CEP85L: variants seen among roughly 807,000 people sequenced by gnomAD.
CEP85L encodes the protein centrosomal protein of 85 kDa-like.
CEP85L carries 60 observed loss-of-function variants against 100.3 expected under a neutral mutation model. The ratio of observed to expected loss-of-function variants is 0.60; its 90% CI spans 0.49 to 0.74. CEP85L has a LOEUF of 0.74. CEP85L is among the 30% of genes least tolerant of loss of function. The pLI is 0.00. For missense variants in CEP85L, 973 were observed against 936.2 expected (o/e 1.04, Z -0.51); for synonymous variants, 319 against 322.7 (o/e 0.99, Z 0.12).
intron 3 of CEP85L, among the ~76,000 whole-genome samples, chr6:118,536,685 A>G (rs1777614410): frequency 6.6e-6 from 1 of 152,128 alleles, no homozygotes; most frequent in Non-Finnish European, 1.5e-5. Flanking sequence ...GAGATAAGAG[A>G]AAAGGCCAGA....
At chr6:118,599,282 C>G (rs1043738334) in intron 2 of CEP85L, among the ~76,000 whole-genome samples, 26 of 151,974 alleles carry the variant, frequency 1.7e-4, no homozygotes, top group Admixed American at 1.5e-3. Flanking sequence ...AGGAAGTGCT[C>G]AAAAAACAAA....
chr6:118,660,498 A>C, intron 1 of CEP85L, among the ~76,000 whole-genome samples: 1 of 152,248 alleles, frequency 6.6e-6, no homozygotes, highest in East Asian at 1.9e-4. Context: ...CTAGTAACCC[A>C]TACTCCTACT....
chr6:118,472,360 G>C (rs954688993), intron 10 of CEP85L, among the ~76,000 whole-genome samples: 1 of 152,078 alleles, frequency 6.6e-6, no homozygotes, highest in South Asian at 2.1e-4. Flanking sequence ...TGCTTGAGTT[G>C]AAGGGCAGTT....
upstream of CEP85L, chr6:118,652,587 T>G: frequency 6.8e-7 from 1 of 1,474,890 alleles, no homozygotes; most frequent in Non-Finnish European, 9.0e-7. Flanking sequence ...TCTGGAATCT[T>G]GCTAACAAAG....
chr6:118,505,168 G>A (rs562334463), intron 5 of CEP85L, among the ~76,000 whole-genome samples: 7 of 151,896 alleles, frequency 4.6e-5, no homozygotes, highest in South Asian at 4.2e-4. Context: ...GGGGCCAGGC[G>A]CGGTGGCTCA....
Position 118,511,420 on chromosome 6 carries a change from A to G in CEP85L, c.1140-5T>C. On this transcript the variant is annotated splice_polypyrimidine_tract_variant and splice_region_variant and intron_variant, in intron 4 of 12. Transcript: ENST00000368491. ...TGGGTAATTTGTTGCTTCTGCCTGC[A>G]AAACATAAATTAAGGTCACATTATG... is the stretch of plus-strand genomic sequence containing the variant. 1 of 1,572,300 alleles carries G rather than the reference A, an allele frequency of 6.4e-7. No homozygotes were observed. The highest frequency in any genetic ancestry group is 8.8e-7 in the Non-Finnish European group (1 of 1,142,814).
At chr6:118,472,620 T>C (rs1773051087) in intron 10 of CEP85L, among the ~76,000 whole-genome samples, 3 of 152,170 alleles carry the variant, frequency 2.0e-5, no homozygotes, top group African/African-American at 7.2e-5. Context: ...GAGCATTTTT[T>C]TGAAATCTCT....
chr6:118,598,899 T>C (rs954806665), intron 2 of CEP85L, among the ~76,000 whole-genome samples: 1 of 152,170 alleles, frequency 6.6e-6, no homozygotes, highest in African/African-American at 2.4e-5. Flanking sequence ...GGCTTCTAAC[T>C]GTTGGAGAGG....
At chr6:118,472,161 T>C (rs1390903134) in intron 10 of CEP85L, among the ~76,000 whole-genome samples, 1 of 152,058 alleles carries the variant, frequency 6.6e-6, no homozygotes, top group Non-Finnish European at 1.5e-5. Flanking sequence ...ATAAGAGTTT[T>C]ATATTTTTAC....
intron 1 of CEP85L, among the ~76,000 whole-genome samples, chr6:118,708,235 GACAGATGAGTAC>G (rs1393801194): frequency 1.3e-5 from 2 of 152,228 alleles, no homozygotes; most frequent in Non-Finnish European, 2.9e-5. Context: ...CCTGTCTGGA[GACAGATGAGTAC>G]ACAAGCAACT....
chr6:118,632,667 T>C, intron 1 of CEP85L, 56 bp from the exon 2 acceptor site: 1 of 1,451,692 alleles, frequency 6.9e-7, no homozygotes, highest in Non-Finnish European at 9.3e-7. Flanking sequence ...CAGAAGATTT[T>C]TTTTTTACCT....
intron 1 of CEP85L, among the ~76,000 whole-genome samples, chr6:118,675,157 C>G (rs968484303): frequency 2.1e-5 from 3 of 139,772 alleles, no homozygotes; most frequent in Non-Finnish European, 4.9e-5. Context: ...AAATGGAGTG[C>G]TGTTACATGC....
intron 1 of CEP85L, among the ~76,000 whole-genome samples, chr6:118,679,113 A>G (rs192696574): frequency 3.3e-5 from 5 of 152,334 alleles, no homozygotes; most frequent in East Asian, 1.9e-4. Flanking sequence ...TCAAAAGTCA[A>G]TTCAATTGTT....
intron 2 of CEP85L, among the ~76,000 whole-genome samples, chr6:118,611,268 T>C (rs556337978): frequency 6.6e-6 from 1 of 152,292 alleles, no homozygotes; most frequent in East Asian, 1.9e-4. Context: ...AAGATTTCTC[T>C]ACTCCACTCA....
intron 4 of CEP85L, among the ~76,000 whole-genome samples, chr6:118,517,780 A>C (rs966861293): frequency 6.6e-6 from 1 of 152,160 alleles, no homozygotes; most frequent in Non-Finnish European, 1.5e-5. Flanking sequence ...TATGTTGAAG[A>C]GGAGTGTGAG....
intron 2 of CEP85L, among the ~76,000 whole-genome samples, chr6:118,602,939 A>G (rs1037597160): frequency 2.6e-5 from 4 of 151,776 alleles, no homozygotes; most frequent in Non-Finnish European, 1.5e-5. Flanking sequence ...TCCTACCTCA[A>G]CCTTCTGAGT....
intron 3 of CEP85L, among the ~76,000 whole-genome samples, chr6:118,553,933 G>A (rs763785919): frequency 1.1e-4 from 16 of 152,098 alleles, no homozygotes; most frequent in Non-Finnish European, 2.1e-4. Flanking sequence ...AAATATTAGA[G>A]CTTACATGTC....
chr6:118,609,695 G>A (rs968194862), intron 2 of CEP85L, among the ~76,000 whole-genome samples: 1 of 151,744 alleles, frequency 6.6e-6, no homozygotes, highest in African/African-American at 2.4e-5. Flanking sequence ...CCTGACAATA[G>A]AAAACAAAGG....
chr6:118,563,851 C>CT (rs1394403054), intron 3 of CEP85L, among the ~76,000 whole-genome samples: 1 of 152,092 alleles, frequency 6.6e-6, no homozygotes, highest in African/African-American at 2.4e-5. Context: ...TATTTAACAA[C>CT]TTTTTTCTGT....
Sources: gnomAD v4.1 joint callset for allele counts (sites outside exome capture counted in the v4.1 genomes callset) on GRCh38, gnomAD v4.1.1 for gene constraint, MANE v1.5 for transcripts, NCBI Gene and HGNC (gene_info 2026-07-23, HGNC 2026-07-21) for gene names.